PDS5B: variants seen among roughly 807,000 people sequenced by gnomAD.
The protein encoded by PDS5B is PDS5 cohesin associated factor B.
A neutral mutation model predicts 184.1 loss-of-function variants in PDS5B; 51 were observed. The ratio of observed to expected loss-of-function variants is 0.28; its 90% confidence interval spans 0.22 to 0.35. The LOEUF is 0.35. Ranked by LOEUF, PDS5B falls within the 10% of genes least tolerant of loss-of-function variation. The probability of loss-of-function intolerance (pLI) is 1.00; values close to 1 mark genes in which losing one functional copy is unlikely to be tolerated. For synonymous variants in PDS5B, 566 were observed against 569.2 expected (o/e 0.99, Z 0.08); for missense variants, 1,180 against 1,723.3 (o/e 0.68, Z 5.58).
chr13:32,717,070 G>A (rs1384392248), intron 19 of PDS5B, among the ~76,000 whole-genome samples: 1 of 149,652 alleles, frequency 6.7e-6, no homozygotes, highest in East Asian at 2.0e-4. Context: ...GGGAGGTGGG[G>A]GGGTCAGCCC....
intron 2 of PDS5B, chr13:32,649,081 G>A (rs57315439): frequency 4.3e-6 from 2 of 467,850 alleles, no homozygotes; most frequent in Non-Finnish European, 7.6e-6. Flanking sequence ...CAGCAATTAG[G>A]TGAAGCTTAG....
intron 17 of PDS5B, among the ~76,000 whole-genome samples, chr13:32,705,429 TAAAG>T (rs1046530627): frequency 1.3e-5 from 2 of 152,118 alleles, no homozygotes; most frequent in African/African-American, 4.8e-5. Context: ...TACCAACTGT[TAAAG>T]AGATGATCAA....
intron 3 of PDS5B, among the ~76,000 whole-genome samples, chr13:32,655,389 T>A (rs1950487735): frequency 1.6e-5 from 2 of 123,658 alleles, no homozygotes; most frequent in African/African-American, 6.2e-5. Flanking sequence ...TTTTTTTTTT[T>A]TTTTTTTTAG....
chr13:32,773,070 CAT>C (rs1491200698), intron 33 of PDS5B, 117 bp from the exon 34 acceptor site: 10 of 767,534 alleles, frequency 1.3e-5, no homozygotes, highest in East Asian at 2.8e-5. Flanking sequence ...GTTCTTGTCT[CAT>C]AAAGTAACTG....
At chr13:32,643,158 C>T (rs187300213) in intron 1 of PDS5B, among the ~76,000 whole-genome samples, 1 of 152,188 alleles carries the variant, frequency 6.6e-6, no homozygotes, top group Non-Finnish European at 1.5e-5. Flanking sequence ...TTCTTCCACT[C>T]CAGACTCAGT....
At chr13:32,628,829 A>G (rs994784303) in intron 1 of PDS5B, among the ~76,000 whole-genome samples, 1 of 151,866 alleles carries the variant, frequency 6.6e-6, no homozygotes, top group African/African-American at 2.4e-5. Flanking sequence ...GATTTACCAC[A>G]CTTCATGTAG....
chr13:32,633,687 TG>T (rs2058493996), intron 1 of PDS5B, among the ~76,000 whole-genome samples: 1 of 152,244 alleles, frequency 6.6e-6, no homozygotes, highest in Non-Finnish European at 1.5e-5. Flanking sequence ...TTGGTGGACT[TG>T]ACATCCTAAT....
At chr13:32,597,767 A>G (rs1270428670) in intron 1 of PDS5B, among the ~76,000 whole-genome samples, 1 of 151,744 alleles carries the variant, frequency 6.6e-6, no homozygotes, top group Non-Finnish European at 1.5e-5. Context: ...GAATTGCTTG[A>G]ACCTGGGAGG....
chr13:32,736,567 A>G (rs778855980), intron 21 of PDS5B, among the ~76,000 whole-genome samples: 2 of 151,910 alleles, frequency 1.3e-5, no homozygotes, highest in Admixed American at 6.6e-5. Context: ...TTCCAGTTTT[A>G]CTATGATGTG....
At chr13:32,765,697 G>A (rs971236365) in intron 31 of PDS5B, among the ~76,000 whole-genome samples, 2 of 152,178 alleles carry the variant, frequency 1.3e-5, no homozygotes, top group Admixed American at 1.3e-4. Context: ...TCCGCTTCCC[G>A]GGTTCAGGTG....
intron 7 of PDS5B, among the ~76,000 whole-genome samples, chr13:32,671,646 T>C (rs1393318907): frequency 6.6e-6 from 1 of 152,178 alleles, no homozygotes; most frequent in African/African-American, 2.4e-5. Flanking sequence ...TTCTTCTTTC[T>C]TCATGGCTAG....
intron 23 of PDS5B, 147 bp downstream of exon 23, chr13:32,742,874 T>C: frequency 7.0e-6 from 5 of 716,390 alleles, no homozygotes; most frequent in Non-Finnish European, 1.2e-5. Context: ...AATATGCTTT[T>C]GTACAGTGGT....
chr13:32,633,940 T>C (rs1487714850), intron 1 of PDS5B, among the ~76,000 whole-genome samples: 1 of 152,168 alleles, frequency 6.6e-6, no homozygotes, highest in Admixed American at 6.5e-5. Flanking sequence ...AAGAGCTACA[T>C]TGTAATGTTA....
At position 32,731,952 on chromosome 13, in the gene PDS5B, C is replaced by T. The variant is rs576493502; in HGVS notation, c.2124-149C>T. 604 of 540,036 alleles carry T rather than the reference C, an allele frequency of 1.1e-3. 2 individuals carry two copies. Among genetic ancestry groups the T allele is most frequent in the Non-Finnish European group, 1.8e-3 (551 of 309,136 alleles). 33.5% of individuals were successfully genotyped at this position (540,036 alleles called of 1,614,324 possible). ...AATATAAATATTTATAAAGCAAAATCATAGGCCTTTGGAAGTGAGTTTGAG... is the reference window on the plus strand; with the variant it reads ...AATATAAATATTTATAAAGCAAAATTATAGGCCTTTGGAAGTGAGTTTGAG... On this transcript the variant is annotated intron_variant, in intron 19 of 34. Coordinates refer to ENST00000315596, the MANE Select transcript of PDS5B (RefSeq NM_015032.4).
intron 3 of PDS5B, among the ~76,000 whole-genome samples, chr13:32,654,935 G>T (rs1260701021): frequency 2.0e-5 from 3 of 152,074 alleles, no homozygotes; most frequent in Non-Finnish European, 4.4e-5. Flanking sequence ...CTGTTGAATG[G>T]CATTTAGGTT....
At chr13:32,597,599 A>T (rs962215121) in intron 1 of PDS5B, among the ~76,000 whole-genome samples, 12 of 137,672 alleles carry the variant, frequency 8.7e-5, no homozygotes, top group African/African-American at 8.1e-5. Context: ...GCTGAGGCCG[A>T]GGGGGGGGCG....
chr13:32,745,844 G>A, intron 23 of PDS5B, 133 bp from the exon 24 acceptor site: 1 of 689,474 alleles, frequency 1.5e-6, no homozygotes, highest in South Asian at 1.9e-5. Context: ...AATTTTGGGG[G>A]ACACAAACAT....
rs77179179 is a variant in PDS5B at position 32,645,920 on chromosome 13, A to G, written c.-19-2834A>G. 2.6e-3 allele frequency among the ~76,000 whole-genome samples: 398 copies of G among 152,212 alleles called. 2 individuals carry two copies. Among genetic ancestry groups the G allele is most frequent in the African/African-American group, 9.0e-3 (373 of 41,516 alleles). ...TAGGTTTCTCTGTTTTCGAGCTTATAAATGTAATCATACTCTTATGTAGTG... is the reference window on the plus strand; with the variant it reads ...TAGGTTTCTCTGTTTTCGAGCTTATGAATGTAATCATACTCTTATGTAGTG... On this transcript the variant is annotated intron_variant, in intron 1 of 34. Transcript: ENST00000315596.
At position 32,677,430 on chromosome 13, in the gene PDS5B, A is replaced by T. The variant is rs570935385; in HGVS notation, c.963-1405A>T. On this transcript the variant is annotated intron_variant, in intron 9 of 34. Transcript: ENST00000315596. ...TATGTCACCTTTCTATTATGTTGTAATTTTTCCTTTTAATATTAATAACAT... is the reference window on the plus strand; with the variant it reads ...TATGTCACCTTTCTATTATGTTGTATTTTTTCCTTTTAATATTAATAACAT... 8.7e-4 allele frequency among the ~76,000 whole-genome samples: 133 copies of T among 152,046 alleles called. 1 individual carries two copies. The highest frequency in any genetic ancestry group is 1.8e-3 in the Admixed American group (27 of 15,288).
Sources: allele counts gnomAD v4.1 joint callset (sites outside exome capture counted in the v4.1 genomes callset), GRCh38; gene constraint gnomAD v4.1.1; transcripts MANE v1.5; gene names NCBI Gene and HGNC (gene_info 2026-07-23, HGNC 2026-07-21).